Variants in GCLC observed in about 807,000 individuals in gnomAD.
GCLC encodes glutamate--cysteine ligase catalytic subunit.
Under a neutral mutation model 81.5 loss-of-function variants are expected in GCLC, and 30 were observed. The observed-to-expected ratio is 0.37, with a 90% CI of 0.28 to 0.50. The LOEUF (loss-of-function observed/expected upper bound fraction) is 0.50, where lower values mean the gene tolerates loss of function less well. Among genes scored for constraint, GCLC ranks in the 20% least tolerant of loss-of-function variants. The pLI is 0.96. For missense variants in GCLC, 556 were observed against 777.4 expected, an observed-to-expected ratio of 0.72 and a Z score of 3.39; for synonymous variants, 262 against 273.3, an observed-to-expected ratio of 0.96 and a Z score of 0.41.
chr6:53,544,266 A>C (rs982596212), intron 1 of GCLC, among the ~76,000 whole-genome samples: 1 of 152,182 alleles, frequency 6.6e-6, no homozygotes, highest in African/African-American at 2.4e-5. Context: ...AATGAAGGGG[A>C]AAACCCAAAA....
chr6:53,529,611 T>G (rs1207031838), intron 1 of GCLC, among the ~76,000 whole-genome samples: 1 of 152,250 alleles, frequency 6.6e-6, no homozygotes, highest in Non-Finnish European at 1.5e-5. Context: ...GAATAGTCCT[T>G]ATTTACCTCC....
intron 4 of GCLC, among the ~76,000 whole-genome samples, chr6:53,514,864 C>A (rs1399367404): frequency 6.6e-6 from 1 of 152,174 alleles, no homozygotes; most frequent in East Asian, 1.9e-4. Context: ...AACTTTAGTA[C>A]CCACTTTGCC....
intron 3 of GCLC, among the ~76,000 whole-genome samples, chr6:53,517,230 G>C (rs1764894606): frequency 6.9e-6 from 1 of 144,402 alleles, no homozygotes; most frequent in Admixed American, 7.0e-5. Flanking sequence ...GGGATTACAG[G>C]CATGAGTCAC....
At chr6:53,524,528 G>GC (rs1346747657) in intron 1 of GCLC, among the ~76,000 whole-genome samples, 3 of 152,100 alleles carry the variant, frequency 2.0e-5, no homozygotes, top group African/African-American at 7.2e-5. Context: ...AGATGAACTG[G>GC]CCCATCCCTC....
intron 1 of GCLC, among the ~76,000 whole-genome samples, chr6:53,538,947 C>G (rs985303817): frequency 6.6e-6 from 1 of 152,094 alleles, no homozygotes; most frequent in Admixed American, 6.5e-5. Context: ...TAACCCAAAA[C>G]CTGGTATAAT....
Position 53,544,556 on chromosome 6 carries a change from G to T in GCLC, c.90C>A (p.Phe30Leu), listed in dbSNP as rs1403752468. ...DHVRRHGILQ[F>L]LHIYHAVKDR... ...CCTTGACGGCGTGGTAGATGTGCAG[G>T]AACTGGAGGATCCCGTGCCGCCGCA... is the stretch of plus-strand genomic sequence containing the variant. The change falls in exon 1 of 16, where the codon TTC (phenylalanine) becomes TTA (leucine). Residue 30 changes from phenylalanine to leucine, a missense_variant. By Grantham distance (22) the Phe-to-Leu change is conservative. Coordinates refer to ENST00000650454, the MANE Select transcript of GCLC (RefSeq NM_001498.4). 7 of 1,608,366 alleles carry T rather than the reference G, an allele frequency of 4.4e-6. No individual in the cohort carries two copies. Among genetic ancestry groups the T allele is most frequent in the African/African-American group, 1.3e-5 (1 of 75,034 alleles).
chr6:53,500,015 T>C (rs773385320), intron 15 of GCLC, 30 bp downstream of exon 15: 2 of 1,491,716 alleles, frequency 1.3e-6, no homozygotes, highest in South Asian at 2.3e-5. Flanking sequence ...GCTGTCTATA[T>C]TATGAGATTA....
chr6:53,534,701 G>A (rs1036178305), intron 1 of GCLC, among the ~76,000 whole-genome samples: 8 of 152,132 alleles, frequency 5.3e-5, no homozygotes, highest in South Asian at 2.1e-4. Flanking sequence ...CTGAAGGTCC[G>A]GGGAAACCAT....
rs182265700 is a variant in GCLC, at chr6:53,497,440, A to C, written c.*1316T>G. The C allele has an allele frequency of 6.6e-6, 1 of 152,340 alleles. No homozygotes were observed. Among genetic ancestry groups the C allele is most frequent in the African/African-American group, 2.4e-5 (1 of 41,582 alleles). The allele number at this position is 152,340 out of a possible 1,614,324, so 9.4% of individuals were successfully genotyped here. ...ACCTGATTTACACAAGCAAATTGCA[A>C]ACGAAAACCAGGCATTCTTTAATCA... On this transcript the variant is annotated 3_prime_UTR_variant, in exon 16 of 16. Coordinates refer to ENST00000650454, the MANE Select transcript of GCLC (RefSeq NM_001498.4).
Position 53,544,802 on chromosome 6 carries a change from T to G in GCLC, c.-157A>C. ...TCGGCGGAGGGAGGGTCCTGCCCGC[T>G]CCGGCTCCCCGGCGGCGGCCCCTGG... On this transcript the variant is annotated 5_prime_UTR_variant, in exon 1 of 16. Coordinates refer to ENST00000650454, the MANE Select transcript of GCLC (RefSeq NM_001498.4). 3.3e-6 allele frequency: 2 copies of G among 613,466 alleles called. No individual in the cohort carries two copies. The highest frequency in any genetic ancestry group is 3.1e-5 in the South Asian group (1 of 32,494). 38.0% of individuals were successfully genotyped at this position (613,466 alleles called of 1,614,324 possible).
chr6:53,511,018 C>A (rs1325584809), intron 6 of GCLC, among the ~76,000 whole-genome samples: 4 of 152,152 alleles, frequency 2.6e-5, no homozygotes, highest in African/African-American at 9.7e-5. Flanking sequence ...TTGCATATGG[C>A]ATGAAATTAC....
chr6:53,538,663 TG>T (rs1763299645), intron 1 of GCLC, among the ~76,000 whole-genome samples: 1 of 152,178 alleles, frequency 6.6e-6, no homozygotes, highest in Admixed American at 6.5e-5. Context: ...TCAAACTCAA[TG>T]GATGATATAT....
chr6:53,533,905 C>G (rs1259297720), intron 1 of GCLC, among the ~76,000 whole-genome samples: 22 of 151,974 alleles, frequency 1.4e-4, no homozygotes. Context: ...AGTGATTCTC[C>G]TGCCCCAGCC....
At chr6:53,517,647 GGATGAAGAGAGAATGAGAATGTGTTT>G (rs960892027) in intron 3 of GCLC, among the ~76,000 whole-genome samples, 4 of 152,264 alleles carry the variant, frequency 2.6e-5, no homozygotes, top group Non-Finnish European at 4.4e-5. Flanking sequence ...GAATCAGATT[GGATGAAGAGAGAATGAGAATGTGTTT>G]GTGTGGAAGG....
In GCLC at chr6:53,507,612, T is replaced by C; in HGVS notation, c.952A>G (p.Lys318Glu). 1.4e-6 allele frequency: 2 copies of C among 1,449,988 alleles called. No homozygotes were observed. Among genetic ancestry groups the C allele is most frequent in the Non-Finnish European group, 1.9e-6 (2 of 1,033,108 alleles). The allele number at this position is 1,449,988 out of a possible 1,614,324, so 89.8% of individuals were successfully genotyped here. Reference sequence around the variant, plus strand: ...TTACTGATCCTATAGTTATTGTTCTTCAATGGCTAAAGATTAAAAATATAT... The same window carrying C: ...TTACTGATCCTATAGTTATTGTTCTCCAATGGCTAAAGATTAAAAATATAT... ...TREERGLEPL[K>E]NNNYRISKSR... is the part of the protein sequence containing the mutation. Residue 318 changes from lysine (K) to glutamate (E), a missense_variant, in exon 9 of 16, where the codon AAG becomes GAG. Lys to Glu is a moderately conservative substitution (Grantham distance 56). Coordinates refer to ENST00000650454, the MANE Select transcript of GCLC (RefSeq NM_001498.4).
At chr6:53,534,798 A>G (rs1178843812) in intron 1 of GCLC, among the ~76,000 whole-genome samples, 1 of 152,176 alleles carries the variant, frequency 6.6e-6, no homozygotes, top group East Asian at 1.9e-4. Flanking sequence ...ACTACAAAAC[A>G]CTGCTGGGAG....
In GCLC at chr6:53,544,816, G is replaced by A. The variant is rs962508907; in HGVS notation, c.-171C>T. 19 of 526,266 alleles carry A rather than the reference G, an allele frequency of 3.6e-5. No homozygotes were observed. Among genetic ancestry groups the A allele is most frequent in the Non-Finnish European group, 5.3e-5 (17 of 321,388 alleles). 32.6% of individuals were successfully genotyped at this position (526,266 alleles called of 1,614,324 possible). A position where few individuals can be genotyped will look rare whatever the true frequency, so the allele number is the denominator to read the frequency against. The stretch of plus-strand genomic sequence containing the variant: ...GTCCTGCCCGCTCCGGCTCCCCGGC[G>A]GCGGCCCCTGGCGCCCAGGTGACAG... On this transcript the variant is annotated 5_prime_UTR_variant, in exon 1 of 16. Transcript: ENST00000650454.
chr6:53,516,606 G>A (rs1015330349), intron 3 of GCLC, among the ~76,000 whole-genome samples: 17 of 152,112 alleles, frequency 1.1e-4, no homozygotes, highest in African/African-American at 3.9e-4. Flanking sequence ...CCTATGAGGT[G>A]TCTTCCTTTT....
intron 3 of GCLC, among the ~76,000 whole-genome samples, chr6:53,520,229 A>G (rs1430138447): frequency 6.6e-6 from 1 of 152,200 alleles, no homozygotes; most frequent in Non-Finnish European, 1.5e-5. Context: ...CAAACCCTAA[A>G]TCTTCTTTTC....
Sources: gnomAD v4.1 joint callset for allele counts (sites outside exome capture counted in the v4.1 genomes callset) on GRCh38, gnomAD v4.1.1 for gene constraint, MANE v1.5 for transcripts, NCBI Gene and HGNC (gene_info 2026-07-23, HGNC 2026-07-21) for gene names.